Variants in ADPRHL1 observed in about 807,000 individuals in gnomAD.
ADPRHL1 encodes the protein inactive ADP-ribosyltransferase ARH2.
Under a neutral mutation model 44.1 loss-of-function variants are expected in ADPRHL1, and 43 were observed. The observed-to-expected ratio is 0.98, with a 90% CI of 0.76 to 1.26. The LOEUF is 1.26. Among genes scored for constraint, ADPRHL1 ranks in the 50% most tolerant of loss-of-function variants. The probability of loss-of-function intolerance (pLI) is 0.00; values close to 1 mark genes in which losing one functional copy is unlikely to be tolerated. For missense variants in ADPRHL1, 2,022 were observed against 2,496.9 expected (o/e 0.81, Z 4.05); for synonymous variants, 878 against 1,017.4 (o/e 0.86, Z 2.61).
At position 113,424,208 on chromosome 13, in the gene ADPRHL1, A is replaced by T; in HGVS notation, c.907+9T>A. The T allele has an allele frequency of 2.5e-6, 4 of 1,612,464 alleles. No individual in the cohort carries two copies. The highest frequency in any genetic ancestry group is 3.4e-6 in the Non-Finnish European group (4 of 1,179,706). On this transcript the variant is annotated intron_variant, in intron 6 of 7. Coordinates refer to ENST00000612156, the MANE Select transcript of ADPRHL1 (RefSeq NM_001394807.1). ...TCCAGGAAGCCACGGCCATTAAGGA[A>T]CATCTCACCTCCATGAAACATGGCC...
chr13:113,421,804 A>G (rs1005921563), intron 7 of ADPRHL1: 5 of 152,200 alleles, frequency 3.3e-5, no homozygotes, highest in Middle Eastern at 3.2e-3. Context: ...ATTCCAACCA[A>G]CCAGGCTTTC....
At chr13:113,408,733 AT>A (rs1044910983) in intron 7 of ADPRHL1, among the ~76,000 whole-genome samples, 15 of 152,222 alleles carry the variant, frequency 9.9e-5, no homozygotes, top group African/African-American at 3.6e-4. Flanking sequence ...GAGACTGAAG[AT>A]TCAGCAAACC....
intron 2 of ADPRHL1, among the ~76,000 whole-genome samples, chr13:113,436,477 C>T (rs1231679390): frequency 1.8e-3 from 6 of 3,256 alleles, no homozygotes; most frequent in East Asian, 9.3e-3. Context: ...AGGTGTACCC[C>T]GGGACCCGGC....
chr13:113,424,795 CCCACCCACCCACCCATG>C (rs2043954615), intron 5 of ADPRHL1, among the ~76,000 whole-genome samples: 2 of 44,724 alleles, frequency 4.5e-5, no homozygotes, highest in African/African-American at 1.0e-4. Context: ...CATCCATATA[CCCACCCACCCACCCATG>C]CACCCATCCA....
Position 113,404,864 on chromosome 13 carries a change from G to C in ADPRHL1, c.4418C>G (p.Pro1473Arg). 1 of 1,247,292 alleles carries C rather than the reference G, an allele frequency of 8.0e-7. No individual in the cohort carries two copies. The highest frequency in any genetic ancestry group is 3.7e-5 in the South Asian group (1 of 27,138). The allele number at this position is 1,247,292 out of a possible 1,614,324, so 77.3% of individuals were successfully genotyped here. A position where few individuals can be genotyped will look rare whatever the true frequency, so the allele number is the denominator to read the frequency against. Residue 1473 changes from proline to arginine, a missense_variant, in exon 8 of 8, where the codon CCA becomes CGA. By Grantham distance (103) the Pro-to-Arg change is moderately radical. Around this residue, in one of 8 missense-constraint regions of ADPRHL1, gnomAD observed 1,221 missense variants for 1,517.8 expected, o/e 0.80. Coordinates refer to ENST00000612156, the MANE Select transcript of ADPRHL1 (RefSeq NM_001394807.1). Reference sequence around the variant, plus strand: ...GCTTCCCGGCCCCTCGGGCTCCCCTGGAGGCACAGCTGGGTTCCTGGCAGC... The same window carrying C: ...GCTTCCCGGCCCCTCGGGCTCCCCTCGAGGCACAGCTGGGTTCCTGGCAGC... ...TRAARNPAVP[P>R]GEPEGPGSPA...
intron 7 of ADPRHL1, 161 bp downstream of exon 7, chr13:113,422,665 T>C: frequency 1.2e-6 from 1 of 857,728 alleles, no homozygotes. Flanking sequence ...ATGCAACAGT[T>C]AGGATTCTGA....
intron 2 of ADPRHL1, among the ~76,000 whole-genome samples, chr13:113,434,939 G>C (rs76409920): frequency 1.0e-5 from 1 of 99,652 alleles, no homozygotes; most frequent in African/African-American, 4.1e-5. Context: ...CCGGCACCCA[G>C]GTGTAGAGTG....
Position 113,403,946 on chromosome 13 carries a change from TGATCCCGAGCCC to T in ADPRHL1, c.5324_5335del (p.Arg1775_Asp1778del), listed in dbSNP as rs368145937. On this transcript the variant is annotated inframe_deletion, in exon 8 of 8. Coordinates refer to ENST00000612156, the MANE Select transcript of ADPRHL1 (RefSeq NM_001394807.1). ...CTCTATCTGGGTCTGCTCCCAGCCC[TGATCCCGAGCCC>T]GATCCCGAGCCCATTCCTGAGCCCC... The T allele has an allele frequency of 2.9e-5, 38 of 1,295,998 alleles. 1 individual carries two copies. In the African/African-American group the frequency reaches 2.9e-4, roughly 10 times the overall value. 80.3% of individuals were successfully genotyped at this position (1,295,998 alleles called of 1,614,324 possible). A position where few individuals can be genotyped will look rare whatever the true frequency, so the allele number is the denominator to read the frequency against.
intron 7 of ADPRHL1, 200 bp downstream of exon 7, chr13:113,422,626 A>T: frequency 1.4e-6 from 1 of 724,020 alleles, no homozygotes; most frequent in Non-Finnish European, 2.2e-6. Context: ...AGGACGGAAA[A>T]TATTCTCGCA....
chr13:113,419,064 T>TTTCTTCCCCTTCCCC, intron 7 of ADPRHL1, among the ~76,000 whole-genome samples: 1 of 16,650 alleles, frequency 6.0e-5, no homozygotes, highest in Non-Finnish European at 1.2e-4. Context: ...TTCTCCTTCC[T>TTTCTTCCCCTTCCCC]TCACTCCCTC....
intron 7 of ADPRHL1, 189 bp downstream of exon 7, chr13:113,422,637 G>A (rs546139470): frequency 2.4e-5 from 18 of 756,642 alleles, no homozygotes; most frequent in Non-Finnish European, 3.7e-5. Context: ...TATTCTCGCA[G>A]GACAAACAAT....
intron 7 of ADPRHL1, among the ~76,000 whole-genome samples, chr13:113,419,678 T>TG: frequency 6.6e-6 from 1 of 152,006 alleles, no homozygotes; most frequent in East Asian, 1.9e-4. Flanking sequence ...GCCACATCCA[T>TG]GGGGTATTTG....
At chr13:113,433,435 C>T (rs1331826991) in intron 3 of ADPRHL1, among the ~76,000 whole-genome samples, 2 of 152,196 alleles carry the variant, frequency 1.3e-5, no homozygotes, top group East Asian at 1.9e-4. Flanking sequence ...CCGTGCTTAT[C>T]GCTAATCCTG....
rs1271380139 is a variant in ADPRHL1, at chr13:113,400,226, A to G, written c.*3152T>C. 2.7e-5 allele frequency: 4 copies of G among 147,542 alleles called. No homozygotes were observed. Among genetic ancestry groups the G allele is most frequent in the African/African-American group, 5.0e-5 (2 of 40,000 alleles). The allele number at this position is 147,542 out of a possible 1,614,324, so 9.1% of individuals were successfully genotyped here. A position where few individuals can be genotyped will look rare whatever the true frequency, so the allele number is the denominator to read the frequency against. ...AGTGGCGCAATCTCGGCTCACTGCA[A>G]GCTCCACCTCCCGGGTTCACGCCAT... is the stretch of plus-strand genomic sequence containing the variant. On this transcript the variant is annotated 3_prime_UTR_variant, in exon 8 of 8. Transcript: ENST00000612156.
Position 113,405,730 on chromosome 13 carries a change from C to A in ADPRHL1, c.3552G>T (p.Lys1184Asn). ...GGAGGCTCCTCCCTGCTGCTCCACT[C>A]TTGGGCTCCAAGGATCCCCCAGGGG... Reference protein sequence around the residue: ...LLAPGGSLEPKSGAAGRSLLR... With the variant: ...LLAPGGSLEPNSGAAGRSLLR... Residue 1184 changes from lysine (K) to asparagine (N), a missense_variant, in exon 8 of 8, where the codon AAG (lysine) becomes AAT (asparagine). This residue lies in a region of ADPRHL1 where 1,221 missense variants were observed against 1,517.8 expected (regional missense o/e 0.80). Transcript: ENST00000612156. 8.1e-7 allele frequency: 1 copy of A among 1,231,866 alleles called. No individual in the cohort carries two copies. The highest frequency in any genetic ancestry group is 1.0e-6 in the Non-Finnish European group (1 of 988,044). 76.3% of individuals were successfully genotyped at this position (1,231,866 alleles called of 1,614,324 possible).
intron 7 of ADPRHL1, among the ~76,000 whole-genome samples, chr13:113,421,305 C>A (rs1385043510): frequency 1.7e-5 from 2 of 120,596 alleles, no homozygotes; most frequent in South Asian, 2.9e-4. Flanking sequence ...CGCCCACTCC[C>A]GGGACACGCC....
intron 7 of ADPRHL1, among the ~76,000 whole-genome samples, chr13:113,412,078 T>G (rs759720358): frequency 1.3e-5 from 2 of 152,220 alleles, no homozygotes; most frequent in African/African-American, 4.8e-5. Flanking sequence ...CTCAGCATGT[T>G]CTGTGCTCTG....
chr13:113,451,892 C>T (rs1042337740), intron 1 of ADPRHL1, among the ~76,000 whole-genome samples: 7 of 152,334 alleles, frequency 4.6e-5, no homozygotes, highest in Admixed American at 2.6e-4. Context: ...CGATCTCCGT[C>T]GGTGCACTTT....
intron 2 of ADPRHL1, among the ~76,000 whole-genome samples, chr13:113,435,004 C>G: frequency 7.7e-6 from 1 of 129,112 alleles, no homozygotes; most frequent in Non-Finnish European, 1.7e-5. Flanking sequence ...CATAGGTGTA[C>G]CCCGGGACCC....
Sources: allele counts gnomAD v4.1 joint callset (sites outside exome capture counted in the v4.1 genomes callset), GRCh38; gene constraint gnomAD v4.1.1; regional missense constraint gnomAD v4.1.1; transcripts MANE v1.5; gene names NCBI Gene and HGNC (gene_info 2026-07-23, HGNC 2026-07-21).